Variants in SSH2 observed in about 807,000 individuals in gnomAD.
The protein encoded by SSH2 is slingshot protein phosphatase 2, also known as protein phosphatase Slingshot homolog 2.
SSH2 carries 37 observed loss-of-function variants against 135.2 expected under a neutral mutation model. That is an observed-to-expected ratio of 0.27 (90% CI 0.21 to 0.36). The LOEUF is 0.36. SSH2 is among the 10% of genes least tolerant of loss of function. The pLI is 1.00. For synonymous variants in SSH2, 628 were observed against 646.2 expected, an observed-to-expected ratio of 0.97 and a Z score of 0.43; for missense variants, 1,408 against 1,765.3, an observed-to-expected ratio of 0.80 and a Z score of 3.63.
chr17:29,636,529 T>C lies in SSH2; in HGVS notation c.1701A>G (p.Gly567=). Residue 567 remains glycine (G), a synonymous_variant, in exon 15 of 16, where the codon GGA becomes GGG. Transcript: ENST00000540801. ...TTAAGTTTAATTCATCCTCAATCTG[T>C]CCAGCATGAAATTCCCTAGAAGTAA... ...LEFTSREFHA[G]QIEDELNLND... 1 of 1,614,204 alleles carries C rather than the reference T, an allele frequency of 6.2e-7. No individual in the cohort carries two copies. The highest frequency in any genetic ancestry group is 8.5e-7 in the Non-Finnish European group (1 of 1,180,036).
intron 3 of SSH2, among the ~76,000 whole-genome samples, chr17:29,751,186 C>T (rs924974880): frequency 1.3e-5 from 2 of 152,258 alleles, no homozygotes; most frequent in Non-Finnish European, 2.9e-5. Flanking sequence ...GAGGCCGAGG[C>T]GGGTGGATCA....
intron 3 of SSH2, among the ~76,000 whole-genome samples, chr17:29,747,400 G>A (rs1407363947): frequency 6.6e-6 from 1 of 152,108 alleles, no homozygotes; most frequent in Non-Finnish European, 1.5e-5. Flanking sequence ...TAAAAGAGGG[G>A]TTATACCCCT....
At position 29,930,029 on chromosome 17, in the gene SSH2, G is replaced by C. The variant is rs1346404802; in HGVS notation, c.-29C>G. Reference sequence around the variant, plus strand: ...GGCGCTGCTGGGTTGTTCCGGGCAGGGCATTCTTGTCCTGAGTGTGGGGGA... The same window carrying C: ...GGCGCTGCTGGGTTGTTCCGGGCAGCGCATTCTTGTCCTGAGTGTGGGGGA... On this transcript the variant is annotated 5_prime_UTR_variant, in exon 1 of 16. Coordinates refer to ENST00000540801, the MANE Select transcript of SSH2 (RefSeq NM_001282129.2). 1 of 1,579,208 alleles carries C rather than the reference G, an allele frequency of 6.3e-7. No homozygotes were observed. Among genetic ancestry groups the C allele is most frequent in the South Asian group, 1.2e-5 (1 of 86,364 alleles).
At chr17:29,846,117 C>A (rs1042448079) in intron 2 of SSH2, among the ~76,000 whole-genome samples, 12 of 151,208 alleles carry the variant, frequency 7.9e-5, no homozygotes, top group Non-Finnish European at 1.8e-4. Context: ...TGGCTCACTG[C>A]AACCTCCACC....
chr17:29,770,219 A>T (rs986490447), intron 3 of SSH2, among the ~76,000 whole-genome samples: 2 of 145,124 alleles, frequency 1.4e-5, no homozygotes, highest in Non-Finnish European at 3.0e-5. Flanking sequence ...AGTGATTCTC[A>T]TGCCTCAACC....
intron 1 of SSH2, among the ~76,000 whole-genome samples, chr17:29,878,176 C>T (rs2066070244): frequency 6.6e-6 from 1 of 152,076 alleles, no homozygotes. Context: ...GCCTGTAATT[C>T]CAGCACTTTC....
At chr17:29,807,669 G>A (rs1186232931) in intron 2 of SSH2, among the ~76,000 whole-genome samples, 3 of 152,158 alleles carry the variant, frequency 2.0e-5, no homozygotes, top group Admixed American at 6.5e-5. Context: ...TGACATCTTG[G>A]AGTGGCAGTG....
intron 3 of SSH2, among the ~76,000 whole-genome samples, chr17:29,744,160 G>A (rs1266262766): frequency 6.6e-6 from 1 of 152,178 alleles, no homozygotes; most frequent in East Asian, 1.9e-4. Flanking sequence ...TGCTGGGGTA[G>A]GAGGGGGAGT....
chr17:29,856,455 G>A (rs911621164), intron 1 of SSH2: 5 of 171,888 alleles, frequency 2.9e-5, no homozygotes, highest in Non-Finnish European at 6.1e-5. Flanking sequence ...CATGCCTGTA[G>A]TCTCAGCTAT....
chr17:29,915,225 T>G (rs1324428589), intron 1 of SSH2, among the ~76,000 whole-genome samples: 1 of 152,212 alleles, frequency 6.6e-6, no homozygotes, highest in East Asian at 1.9e-4. Context: ...GATCTCTTGT[T>G]ATATTATATG....
At chr17:29,873,901 A>G (rs1567623479) in intron 1 of SSH2, among the ~76,000 whole-genome samples, 1 of 152,184 alleles carries the variant, frequency 6.6e-6, no homozygotes, top group Non-Finnish European at 1.5e-5. Flanking sequence ...AGTTTCCTCC[A>G]CCTTCTACAT....
At chr17:29,697,544 C>T (rs977394750) in intron 4 of SSH2, among the ~76,000 whole-genome samples, 1 of 152,098 alleles carries the variant, frequency 6.6e-6, no homozygotes, top group African/African-American at 2.4e-5. Context: ...TTAATCTCAG[C>T]ACTTTGGGAG....
intron 3 of SSH2, among the ~76,000 whole-genome samples, chr17:29,744,837 G>T (rs190740625): frequency 7.3e-5 from 11 of 151,088 alleles, no homozygotes; most frequent in Admixed American, 2.0e-4. Context: ...AGAAGAGAAA[G>T]AAGTTTTGCT....
intron 15 of SSH2, among the ~76,000 whole-genome samples, chr17:29,634,644 C>T (rs2035820642): frequency 6.6e-6 from 1 of 152,184 alleles, no homozygotes; most frequent in African/African-American, 2.4e-5. Flanking sequence ...CCTCCACCTC[C>T]CGGGTTCAAG....
chr17:29,916,114 T>C (rs2066877473), intron 1 of SSH2, among the ~76,000 whole-genome samples: 1 of 151,764 alleles, frequency 6.6e-6, no homozygotes, highest in Non-Finnish European at 1.5e-5. Flanking sequence ...GTGAATTACA[T>C]TGTCATAAAA....
At chr17:29,735,836 C>T (rs1344315142) in intron 3 of SSH2, among the ~76,000 whole-genome samples, 1 of 152,046 alleles carries the variant, frequency 6.6e-6, no homozygotes, top group Middle Eastern at 3.2e-3. Flanking sequence ...ACATTTCTAG[C>T]TTGTAATCCC....
intron 3 of SSH2, among the ~76,000 whole-genome samples, chr17:29,768,406 G>A (rs927699745): frequency 1.3e-4 from 19 of 151,204 alleles, no homozygotes; most frequent in Admixed American, 2.6e-4. Flanking sequence ...AGTTCTCCTG[G>A]CTCAACTTCC....
intron 3 of SSH2, chr17:29,787,586 T>C (rs1455295456): frequency 6.6e-6 from 1 of 152,204 alleles, no homozygotes; most frequent in East Asian, 1.9e-4. Flanking sequence ...CTATGCCATT[T>C]TACATTCCCA....
At chr17:29,750,282 T>C (rs2040887813) in intron 3 of SSH2, among the ~76,000 whole-genome samples, 1 of 149,780 alleles carries the variant, frequency 6.7e-6, no homozygotes, top group South Asian at 2.1e-4. Flanking sequence ...TACCACAAAA[T>C]ATACAAATTA....
Sources: gnomAD v4.1 joint callset for allele counts (sites outside exome capture counted in the v4.1 genomes callset) on GRCh38, gnomAD v4.1.1 for gene constraint, MANE v1.5 for transcripts, NCBI Gene and HGNC (gene_info 2026-07-23, HGNC 2026-07-21) for gene names.